The following CAST variants were observed in gnomAD, a reference collection of about 807,000 sequenced individuals.
The protein encoded by CAST is calpastatin, also known as MIR583 host.
CAST carries 76 observed loss-of-function variants against 119.6 expected under a neutral mutation model. That is an observed-to-expected ratio of 0.64 (90% CI 0.53 to 0.77). The LOEUF is 0.77. Ranked by LOEUF, CAST falls within the 30% of genes least tolerant of loss-of-function variation. CAST has a pLI of 0.00. For missense variants in CAST, 953 were observed against 946.5 expected (o/e 1.01, Z -0.09); for synonymous variants, 319 against 331.6 (o/e 0.96, Z 0.41).
intron 1 of CAST, among the ~76,000 whole-genome samples, chr5:96,610,225 G>A (rs1747333750): frequency 1.3e-5 from 2 of 152,174 alleles, no homozygotes; most frequent in African/African-American, 4.8e-5. Flanking sequence ...ATGATTGTGA[G>A]GCCTCCACAG....
At chr5:96,365,873 T>A in the CAST span, among the ~76,000 whole-genome samples, 1 of 152,170 alleles carries the variant, frequency 6.6e-6, no homozygotes, top group Non-Finnish European at 1.5e-5. Flanking sequence ...CATTATGATG[T>A]TGTTACCTGG....
At chr5:96,469,938 T>C in the CAST span, among the ~76,000 whole-genome samples, 1 of 147,820 alleles carries the variant, frequency 6.8e-6, no homozygotes, top group Admixed American at 6.8e-5. Context: ...GGAAGATACA[T>C]GCTTAAGGAA....
the CAST span, among the ~76,000 whole-genome samples, chr5:96,261,400 A>C: frequency 5.3e-5 from 8 of 152,240 alleles, no homozygotes; most frequent in African/African-American, 1.9e-4. Flanking sequence ...ACAGTGGGAC[A>C]AGATGATGGA....
the CAST span, among the ~76,000 whole-genome samples, chr5:96,477,858 C>CA: frequency 1.3e-5 from 2 of 152,164 alleles, no homozygotes; most frequent in Non-Finnish European, 2.9e-5. Context: ...TTTTCCTCAT[C>CA]AAGCAAACCT....
At chr5:96,190,033 C>A in the CAST span, among the ~76,000 whole-genome samples, 1 of 151,962 alleles carries the variant, frequency 6.6e-6, no homozygotes, top group Admixed American at 6.6e-5. Context: ...TTGATTATTC[C>A]AAGTTGGGGG....
chr5:96,233,832 A>AT, the CAST span, among the ~76,000 whole-genome samples: 1 of 152,180 alleles, frequency 6.6e-6, no homozygotes, highest in African/African-American at 2.4e-5. Context: ...CAGAAACCTT[A>AT]TATCTTCGTG....
chr5:96,120,159 A>G, the CAST span, among the ~76,000 whole-genome samples: 45 of 152,174 alleles, frequency 3.0e-4, no homozygotes, highest in Non-Finnish European at 5.9e-4. Flanking sequence ...TTGGGGTGTT[A>G]TCTCTCTCCC....
the CAST span, among the ~76,000 whole-genome samples, chr5:96,464,636 CAGAA>C: frequency 6.6e-6 from 1 of 152,062 alleles, no homozygotes; most frequent in Non-Finnish European, 1.5e-5. Context: ...GTTGAAATGA[CAGAA>C]AGAGGGAATC....
At chr5:95,963,685 TA>T in the CAST span, among the ~76,000 whole-genome samples, 1 of 151,788 alleles carries the variant, frequency 6.6e-6, no homozygotes, top group Non-Finnish European at 1.5e-5. Flanking sequence ...GACTATAATC[TA>T]AAAATAATTC....
intron 1 of CAST, among the ~76,000 whole-genome samples, chr5:96,595,587 G>A (rs1330511607): frequency 6.6e-6 from 1 of 152,156 alleles, no homozygotes; most frequent in Non-Finnish European, 1.5e-5. Flanking sequence ...GGTGGGATGG[G>A]GAGCAAAGAA....
At chr5:96,489,974 G>T in the CAST span, among the ~76,000 whole-genome samples, 1 of 152,236 alleles carries the variant, frequency 6.6e-6, no homozygotes, top group Admixed American at 6.5e-5. Context: ...AAATAGTAAT[G>T]AAGAGGATAA....
the CAST span, among the ~76,000 whole-genome samples, chr5:96,365,433 C>A: frequency 6.6e-6 from 1 of 152,164 alleles, no homozygotes; most frequent in South Asian, 2.1e-4. Context: ...ATGTTAAAGT[C>A]TCCCATTATT....
At chr5:96,577,545 C>T (rs1438225492) in intron 1 of CAST, among the ~76,000 whole-genome samples, 1 of 152,046 alleles carries the variant, frequency 6.6e-6, no homozygotes, top group Non-Finnish European at 1.5e-5. Context: ...CTCAGCACTA[C>T]TTCAGATAGA....
At chr5:96,469,889 T>TATATATATAC in the CAST span, among the ~76,000 whole-genome samples, 31 of 145,168 alleles carry the variant, frequency 2.1e-4, no homozygotes, top group Middle Eastern at 7.1e-3. Context: ...AATATATATA[T>TATATATATAC]ACACACACAT....
chr5:96,421,477 T>C, the CAST span, among the ~76,000 whole-genome samples: 3 of 152,220 alleles, frequency 2.0e-5, no homozygotes, highest in Non-Finnish European at 4.4e-5. Flanking sequence ...TTGTGGGCAT[T>C]GTTCATATCC....
intron 1 of CAST, among the ~76,000 whole-genome samples, chr5:96,632,679 C>T (rs572519453): frequency 1.1e-4 from 9 of 78,640 alleles, no homozygotes; most frequent in African/African-American, 4.0e-4. Context: ...CGCTATTTGT[C>T]GAAAAGACTA....
chr5:96,441,951 T>C, the CAST span, among the ~76,000 whole-genome samples: 2 of 152,296 alleles, frequency 1.3e-5, no homozygotes, highest in South Asian at 2.1e-4. Context: ...AGGAGTATAA[T>C]GATAACTGAT....
At chr5:96,539,680 TA>T (rs1259187973) in intron 1 of CAST, among the ~76,000 whole-genome samples, 2 of 152,150 alleles carry the variant, frequency 1.3e-5, no homozygotes, top group African/African-American at 4.8e-5. Context: ...CTGAACCACT[TA>T]TATTAAAAGT....
chr5:96,741,936 C>G (rs562284986), intron 15 of CAST: 47 of 196,574 alleles, frequency 2.4e-4, no homozygotes, highest in Non-Finnish European at 3.4e-4. Flanking sequence ...AGAGGGACAC[C>G]AAGTAGCTGG....
Sources: gnomAD v4.1 joint callset for allele counts (sites outside exome capture counted in the v4.1 genomes callset) on GRCh38, gnomAD v4.1.1 for gene constraint, MANE v1.5 for transcripts, NCBI Gene and HGNC (gene_info 2026-07-23, HGNC 2026-07-21) for gene names.